STXBP5L: variants seen among roughly 807,000 people sequenced by gnomAD.
STXBP5L encodes syntaxin binding protein 5L.
Under a neutral mutation model 144.5 loss-of-function variants are expected in STXBP5L, and 65 were observed. The ratio of observed to expected loss-of-function variants is 0.45; its 90% CI spans 0.37 to 0.55. The LOEUF (loss-of-function observed/expected upper bound fraction) is 0.55, where lower values mean the gene tolerates loss of function less well. Ranked by LOEUF, STXBP5L falls within the 20% of genes least tolerant of loss-of-function variation. The pLI, the probability that STXBP5L is intolerant of heterozygous loss-of-function variation, is 0.00. For synonymous variants in STXBP5L, 505 were observed against 469.6 expected, an observed-to-expected ratio of 1.08 and a Z score of -0.97; for missense variants, 1,298 against 1,405.5, an observed-to-expected ratio of 0.92 and a Z score of 1.22.
chr3:121,155,415 T>C (rs1477213995), intron 8 of STXBP5L, among the ~76,000 whole-genome samples: 1 of 151,914 alleles, frequency 6.6e-6, no homozygotes, highest in Non-Finnish European at 1.5e-5. Flanking sequence ...ACAATTTAAC[T>C]AGCCTCTTCA....
At chr3:121,061,686 C>G (rs1265616600) in intron 5 of STXBP5L, among the ~76,000 whole-genome samples, 3 of 152,200 alleles carry the variant, frequency 2.0e-5, no homozygotes. Context: ...GGATAGTTAG[C>G]TCTTCTTGTT....
At chr3:121,015,968 C>G (rs190900205) in intron 3 of STXBP5L, among the ~76,000 whole-genome samples, 1 of 152,258 alleles carries the variant, frequency 6.6e-6, no homozygotes, top group Non-Finnish European at 1.5e-5. Flanking sequence ...ACATGCTAAC[C>G]AGTCTTCATA....
intron 3 of STXBP5L, among the ~76,000 whole-genome samples, chr3:120,990,609 A>G (rs960888442): frequency 1.1e-4 from 16 of 151,736 alleles, no homozygotes; most frequent in Non-Finnish European, 1.8e-4. Flanking sequence ...CCAAAACAGC[A>G]TGGTACTGGT....
At chr3:120,999,956 C>A (rs569320786) in intron 3 of STXBP5L, among the ~76,000 whole-genome samples, 6 of 152,292 alleles carry the variant, frequency 3.9e-5, no homozygotes, top group African/African-American at 1.2e-4. Flanking sequence ...TTCTAGCTTA[C>A]AGGGTTTCTG....
At chr3:121,107,984 G>A (rs543496836) in intron 5 of STXBP5L, among the ~76,000 whole-genome samples, 2 of 152,274 alleles carry the variant, frequency 1.3e-5, no homozygotes, top group Non-Finnish European at 2.9e-5. Context: ...AATTGTGAAT[G>A]GGAGTTCATT....
chr3:121,034,023 G>A (rs1946574334), intron 3 of STXBP5L, among the ~76,000 whole-genome samples: 1 of 151,994 alleles, frequency 6.6e-6, no homozygotes, highest in Non-Finnish European at 1.5e-5. Flanking sequence ...AATAGCACTA[G>A]GAAACTAAGC....
intron 3 of STXBP5L, among the ~76,000 whole-genome samples, chr3:120,993,116 C>T (rs954441569): frequency 6.6e-6 from 1 of 151,816 alleles, no homozygotes; most frequent in Non-Finnish European, 1.5e-5. Flanking sequence ...AAATGTCTGC[C>T]CTGGTCTTTT....
intron 5 of STXBP5L, among the ~76,000 whole-genome samples, chr3:121,102,495 A>G (rs2043483322): frequency 6.6e-6 from 1 of 152,202 alleles, no homozygotes; most frequent in African/African-American, 2.4e-5. Context: ...GTGCTGTGAT[A>G]CTTGGCTACC....
intron 20 of STXBP5L, chr3:121,324,627 A>C (rs1016540252): frequency 3.1e-5 from 20 of 648,082 alleles, no homozygotes; most frequent in Non-Finnish European, 5.2e-5. Context: ...AAAGTTATTC[A>C]TATCTTCACA....
chr3:121,176,459 T>C (rs1423577426), intron 9 of STXBP5L, among the ~76,000 whole-genome samples: 2 of 117,568 alleles, frequency 1.7e-5, no homozygotes, highest in Non-Finnish European at 3.7e-5. Flanking sequence ...TTTGAAAAGG[T>C]TAAAATCAAT....
intron 3 of STXBP5L, among the ~76,000 whole-genome samples, chr3:120,973,864 A>C (rs1940590900): frequency 6.6e-6 from 1 of 152,178 alleles, no homozygotes; most frequent in Non-Finnish European, 1.5e-5. Context: ...CCTACAAAGG[A>C]CATGAACTCA....
chr3:121,367,805 T>TTTTTTTG (rs60757644), intron 20 of STXBP5L, among the ~76,000 whole-genome samples: 1 of 135,170 alleles, frequency 7.4e-6, no homozygotes, highest in African/African-American at 2.7e-5. Flanking sequence ...TTTTTTTTTT[T>TTTTTTTG]GTAGAGACCA....
chr3:121,370,875 C>T (rs1421309835), intron 20 of STXBP5L, among the ~76,000 whole-genome samples: 1 of 152,154 alleles, frequency 6.6e-6, no homozygotes. Context: ...ACATTCTTTC[C>T]TGCACTGGCT....
chr3:121,350,335 G>A (rs1296969078), intron 20 of STXBP5L, among the ~76,000 whole-genome samples: 1 of 152,168 alleles, frequency 6.6e-6, no homozygotes. Flanking sequence ...TCAGCTGTTA[G>A]TATGATGGGC....
intron 2 of STXBP5L, among the ~76,000 whole-genome samples, chr3:120,910,321 C>A (rs768537086): frequency 2.0e-5 from 3 of 152,066 alleles, no homozygotes; most frequent in Non-Finnish European, 4.4e-5. Context: ...TCAAAAATAG[C>A]GGGTGTTCTG....
intron 5 of STXBP5L, among the ~76,000 whole-genome samples, chr3:121,066,537 A>G (rs1387979233): frequency 6.6e-6 from 1 of 151,960 alleles, no homozygotes; most frequent in East Asian, 1.9e-4. Context: ...ATGTTAGATG[A>G]CCCTTGCATT....
At chr3:120,921,796 G>A (rs1709370379) in intron 2 of STXBP5L, among the ~76,000 whole-genome samples, 1 of 151,794 alleles carries the variant, frequency 6.6e-6, no homozygotes, top group South Asian at 2.1e-4. Context: ...TTTATATCTG[G>A]GTTTTCTGTT....
intron 9 of STXBP5L, among the ~76,000 whole-genome samples, chr3:121,176,107 A>G (rs567559445): frequency 5.9e-5 from 9 of 152,210 alleles, no homozygotes; most frequent in Non-Finnish European, 8.8e-5. Flanking sequence ...ACAAATCCAC[A>G]GCTATATTTG....
intron 15 of STXBP5L, among the ~76,000 whole-genome samples, chr3:121,251,477 T>C (rs920321042): frequency 6.6e-6 from 1 of 152,156 alleles, no homozygotes; most frequent in Non-Finnish European, 1.5e-5. Context: ...TAACATTTAG[T>C]GTGAGTTTTG....
Sources: gnomAD v4.1 joint callset for allele counts (sites outside exome capture counted in the v4.1 genomes callset) on GRCh38, gnomAD v4.1.1 for gene constraint, MANE v1.5 for transcripts, NCBI Gene and HGNC (gene_info 2026-07-23, HGNC 2026-07-21) for gene names.